LINGO2: variants seen among roughly 807,000 people sequenced by gnomAD.
LINGO2 encodes the protein leucine rich repeat and Ig domain containing 2.
In LINGO2, 14 loss-of-function variants were observed where a neutral mutation model predicts 30.6. The ratio of observed to expected loss-of-function variants is 0.46; its 90% confidence interval spans 0.30 to 0.72. The LOEUF (loss-of-function observed/expected upper bound fraction) is 0.72. LINGO2 is among the 30% of genes least tolerant of loss of function. The pLI is 0.07. For missense variants in LINGO2, 729 were observed against 751.7 expected (o/e 0.97, Z 0.35); for synonymous variants, 317 against 288.5 (o/e 1.10, Z -1.00).
chr9:27,988,012 C>T (rs1190211791), intron 5 of LINGO2, among the ~76,000 whole-genome samples: 1 of 152,104 alleles, frequency 6.6e-6, no homozygotes, highest in African/African-American at 2.4e-5. Flanking sequence ...ATCCCTCCAC[C>T]CCACAACAGG....
chr9:28,091,815 A>G (rs1444472359), intron 4 of LINGO2, among the ~76,000 whole-genome samples: 2 of 152,206 alleles, frequency 1.3e-5, no homozygotes, highest in Admixed American at 6.5e-5. Context: ...GCAAAGGGCT[A>G]ATATCCAGAA....
At chr9:28,794,033 C>G in the LINGO2 span, among the ~76,000 whole-genome samples, 1 of 152,066 alleles carries the variant, frequency 6.6e-6, no homozygotes, top group Admixed American at 6.6e-5. Flanking sequence ...TGACTGAGGG[C>G]GGTGGCTCAC....
At chr9:28,774,041 TAC>T in the LINGO2 span, among the ~76,000 whole-genome samples, 22,996 of 146,642 alleles carry the variant, frequency 0.16, 1,694 homozygotes, top group South Asian at 0.2. Context: ...TTCTTTTTGA[TAC>T]ACACACACAC....
At chr9:28,633,378 A>G (rs1244198974) in intron 1 of LINGO2, among the ~76,000 whole-genome samples, 1 of 152,188 alleles carries the variant, frequency 6.6e-6, no homozygotes. Context: ...CCGAGATGCA[A>G]GTGTAAAGCC....
chr9:28,714,174 T>TAC, the LINGO2 span, among the ~76,000 whole-genome samples: 1 of 88,694 alleles, frequency 1.1e-5, no homozygotes, highest in African/African-American at 6.8e-5. Context: ...AATATATATA[T>TAC]ATATATATAT....
At chr9:28,405,295 A>G (rs1432441620) in intron 2 of LINGO2, among the ~76,000 whole-genome samples, 4 of 152,138 alleles carry the variant, frequency 2.6e-5, no homozygotes, top group Non-Finnish European at 5.9e-5. Context: ...TTGTTATATT[A>G]ATATGTGTCC....
chr9:28,512,871 A>G (rs952195414), intron 1 of LINGO2, among the ~76,000 whole-genome samples: 8 of 151,402 alleles, frequency 5.3e-5, no homozygotes, highest in Non-Finnish European at 8.8e-5. Context: ...AGGCTAGTCC[A>G]GTGTCTCTCT....
At chr9:27,998,776 G>A (rs1587651239) in intron 5 of LINGO2, among the ~76,000 whole-genome samples, 1 of 152,234 alleles carries the variant, frequency 6.6e-6, no homozygotes, top group Admixed American at 6.5e-5. Flanking sequence ...GGGTGATAGA[G>A]GGAGACTGTC....
intron 2 of LINGO2, among the ~76,000 whole-genome samples, chr9:28,389,285 A>G (rs1167178639): frequency 6.6e-6 from 1 of 152,306 alleles, no homozygotes; most frequent in Non-Finnish European, 1.5e-5. Flanking sequence ...TTATCAATGT[A>G]TCTAGGAAGA....
the LINGO2 span, among the ~76,000 whole-genome samples, chr9:28,793,143 T>C: frequency 7.2e-5 from 11 of 151,960 alleles, no homozygotes; most frequent in African/African-American, 2.7e-4. Context: ...GAACAAAAAA[T>C]TAATAAAAAG....
At chr9:28,481,154 T>G (rs1479456682) in intron 1 of LINGO2, among the ~76,000 whole-genome samples, 1 of 152,154 alleles carries the variant, frequency 6.6e-6, no homozygotes, top group African/African-American at 2.4e-5. Context: ...ATTTACCTTT[T>G]TGGGCTCATT....
At chr9:28,673,752 T>A (rs971280019), upstream of LINGO2, among the ~76,000 whole-genome samples, 2 of 151,982 alleles carry the variant, frequency 1.3e-5, no homozygotes, top group African/African-American at 4.8e-5. Context: ...ATCAGTTTCA[T>A]AAGAATTGGT....
chr9:28,722,669 T>C, the LINGO2 span, among the ~76,000 whole-genome samples: 1 of 152,134 alleles, frequency 6.6e-6, no homozygotes, highest in Admixed American at 6.6e-5. Flanking sequence ...AATGGAATAT[T>C]TATTTCTCTG....
chr9:28,691,972 G>A, the LINGO2 span, among the ~76,000 whole-genome samples: 4 of 152,142 alleles, frequency 2.6e-5, no homozygotes, highest in Admixed American at 6.6e-5. Context: ...CAGCTAGTAA[G>A]CTCTGGAGAT....
the LINGO2 span, among the ~76,000 whole-genome samples, chr9:29,158,605 T>C: frequency 1.1e-4 from 16 of 152,240 alleles, no homozygotes; most frequent in Admixed American, 3.9e-4. Flanking sequence ...TTCATCTCTA[T>C]TGTGGAAGAA....
At chr9:28,648,742 C>T (rs1431421467) in intron 1 of LINGO2, among the ~76,000 whole-genome samples, 1 of 151,850 alleles carries the variant, frequency 6.6e-6, no homozygotes, top group Non-Finnish European at 1.5e-5. Flanking sequence ...TACATCATTC[C>T]TCACTTGAAA....
chr9:28,806,502 T>C, the LINGO2 span, among the ~76,000 whole-genome samples: 1 of 152,152 alleles, frequency 6.6e-6, no homozygotes, highest in Non-Finnish European at 1.5e-5. Flanking sequence ...ATTCTATCTA[T>C]AAAATGGGAA....
chr9:28,725,374 C>A, the LINGO2 span, among the ~76,000 whole-genome samples: 7 of 149,258 alleles, frequency 4.7e-5, no homozygotes, highest in Admixed American at 3.3e-4. Flanking sequence ...TGCTGAAAAC[C>A]AGGGAGGAAT....
chr9:28,687,541 T>C, the LINGO2 span, among the ~76,000 whole-genome samples: 3 of 152,066 alleles, frequency 2.0e-5, no homozygotes, highest in African/African-American at 7.2e-5. Flanking sequence ...AGAGAGACTA[T>C]TGGTCATAAG....
Sources: gnomAD v4.1 joint callset for allele counts (sites outside exome capture counted in the v4.1 genomes callset) on GRCh38, gnomAD v4.1.1 for gene constraint, MANE v1.5 for transcripts, NCBI Gene and HGNC (gene_info 2026-07-23, HGNC 2026-07-21) for gene names.